Variants in COL28A1 observed in about 807,000 individuals in gnomAD.
The protein encoded by COL28A1 is collagen alpha-1(XXVIII) chain.
COL28A1 carries 161 observed loss-of-function variants against 150.2 expected under a neutral mutation model. That is an observed-to-expected ratio of 1.07 (90% confidence interval 0.94 to 1.22). The LOEUF (loss-of-function observed/expected upper bound fraction) is 1.22, where lower values mean the gene tolerates loss of function less well. Ranked by LOEUF, COL28A1 falls within the 50% of genes most tolerant of loss-of-function variation. COL28A1 has a pLI of 0.00. For missense variants in COL28A1, 1,617 were observed against 1,388.3 expected (o/e 1.16, Z -2.62); for synonymous variants, 552 against 469.7 (o/e 1.18, Z -2.26).
At chr7:7,339,588 G>A in the COL28A1 span, among the ~76,000 whole-genome samples, 1 of 152,044 alleles carries the variant, frequency 6.6e-6, no homozygotes, top group Admixed American at 6.6e-5. Context: ...ATGTGTCCTA[G>A]AGTTCTTCTC....
chr7:7,416,740 T>G (rs1280428929), intron 27 of COL28A1, among the ~76,000 whole-genome samples: 3 of 152,210 alleles, frequency 2.0e-5, no homozygotes, highest in African/African-American at 7.2e-5. Flanking sequence ...GCTCTAGACA[T>G]TGTGTGATAA....
intron 25 of COL28A1, among the ~76,000 whole-genome samples, chr7:7,421,161 T>C (rs929377028): frequency 1.1e-4 from 16 of 152,134 alleles, no homozygotes; most frequent in Non-Finnish European, 2.1e-4. Context: ...TATGAATAAA[T>C]GCCATAACAT....
At chr7:7,403,030 G>C (rs779857333) in intron 27 of COL28A1, among the ~76,000 whole-genome samples, 43 of 152,188 alleles carry the variant, frequency 2.8e-4, no homozygotes, top group Non-Finnish European at 4.6e-4. Context: ...GGTTAGATAA[G>C]AAATGATCAC....
At chr7:7,378,622 G>A (rs900026103) in intron 30 of COL28A1, among the ~76,000 whole-genome samples, 2 of 152,184 alleles carry the variant, frequency 1.3e-5, no homozygotes, top group Non-Finnish European at 2.9e-5. Flanking sequence ...GAGGGGGAGA[G>A]GAAAGAGGCC....
At chr7:7,453,593 T>A (rs1390418374) in intron 16 of COL28A1, 85 bp from the exon 17 acceptor site, 26 of 749,544 alleles carry the variant, frequency 3.5e-5, no homozygotes, top group Admixed American at 3.2e-4. Context: ...TCATACCCCA[T>A]AATAAGTTAC....
chr7:7,440,887 G>C (rs369120434), intron 20 of COL28A1, 26 bp from the exon 21 acceptor site: 3 of 1,205,942 alleles, frequency 2.5e-6, no homozygotes, highest in Middle Eastern at 1.9e-4. Flanking sequence ...TGAAAATATA[G>C]ATTTTCGTAT....
chr7:7,512,587 C>G (rs1180800139), intron 8 of COL28A1, among the ~76,000 whole-genome samples: 1 of 152,128 alleles, frequency 6.6e-6, no homozygotes, highest in East Asian at 1.9e-4. Flanking sequence ...TCCATTATAT[C>G]AGACTTTTGA....
chr7:7,488,454 A>G (rs1013412594), intron 13 of COL28A1, among the ~76,000 whole-genome samples: 3 of 152,204 alleles, frequency 2.0e-5, no homozygotes, highest in Non-Finnish European at 2.9e-5. Context: ...AGCTATCCAC[A>G]ATCAGTTGTT....
chr7:7,531,959 T>C, intron 2 of COL28A1, 55 bp from the exon 3 acceptor site: 2 of 1,104,048 alleles, frequency 1.8e-6, no homozygotes, highest in East Asian at 2.4e-5. Flanking sequence ...TGAAACAAAT[T>C]TGCATACGGA....
chr7:7,507,287 G>A, intron 9 of COL28A1, 126 bp from the exon 10 acceptor site: 1 of 565,674 alleles, frequency 1.8e-6, no homozygotes, highest in Non-Finnish European at 3.1e-6. Context: ...TAACATCAAA[G>A]GCAATAAACT....
At chr7:7,429,426 T>TCTCTCTCTCA (rs1554270137) in intron 25 of COL28A1, among the ~76,000 whole-genome samples, 36 of 119,386 alleles carry the variant, frequency 3.0e-4, no homozygotes, top group East Asian at 2.1e-3. Context: ...TCTCTCTCTC[T>TCTCTCTCTCA]CACATACACA....
rs563695712 is a variant in COL28A1 at position 7,492,825 on chromosome 7, T to C, written c.1027-2179A>G. On this transcript the variant is annotated intron_variant, in intron 11 of 34. Transcript: ENST00000399429. ...GTGCATGCTGTTGAGTACAAGTCAG[T>C]CTGGCAAATATTTTTTCCCTTAAAC... Among the ~76,000 whole-genome samples, 9 of 151,520 alleles carry C rather than the reference T, an allele frequency of 5.9e-5. No individual in the cohort carries two copies. The East Asian group carries it at 1.7e-3, about 29-fold the overall frequency.
chr7:7,474,031 G>T (rs1251733913), intron 15 of COL28A1, among the ~76,000 whole-genome samples: 2 of 141,198 alleles, frequency 1.4e-5, no homozygotes, highest in Non-Finnish European at 3.0e-5. Flanking sequence ...ATATATGATG[G>T]AATACTATAT....
At position 7,425,840 on chromosome 7, in the gene COL28A1, G is replaced by A. The variant is rs1784619542; in HGVS notation, c.1999-5887C>T. On this transcript the variant is annotated intron_variant, in intron 25 of 34. Coordinates refer to ENST00000399429, the MANE Select transcript of COL28A1 (RefSeq NM_001037763.3). ...TGCTGAGGTCACACAGCTAATAAGTGGCAAGGTTTCAAGGTGGAGCAGTGA... is the reference window on the plus strand; with the variant it reads ...TGCTGAGGTCACACAGCTAATAAGTAGCAAGGTTTCAAGGTGGAGCAGTGA... 2.0e-5 allele frequency among the ~76,000 whole-genome samples: 3 copies of A among 152,144 alleles called. 1 individual carries two copies. In the South Asian group the frequency reaches 6.2e-4, roughly 32 times the overall value.
intron 8 of COL28A1, chr7:7,511,618 T>C (rs1232864268): frequency 3.1e-6 from 1 of 321,434 alleles, no homozygotes; most frequent in African/African-American, 2.3e-5. Context: ...TTCCTATTTT[T>C]TCAAGAACAC....
intron 11 of COL28A1, 62 bp from the exon 12 acceptor site, chr7:7,490,708 AGCTTTTAGAT>A: frequency 1.3e-6 from 1 of 787,652 alleles, no homozygotes; most frequent in Non-Finnish European, 2.2e-6. Context: ...TTGACTAAGC[AGCTTTTAGAT>A]GTATGGTTTT....
At chr7:7,431,452 C>T (rs555305183) in intron 25 of COL28A1, 5 of 458,364 alleles carry the variant, frequency 1.1e-5, no homozygotes, top group East Asian at 1.4e-4. Context: ...GGTAGTAATG[C>T]TTTCTGTATG....
chr7:7,346,144 C>T, the COL28A1 span, among the ~76,000 whole-genome samples: 154 of 152,090 alleles, frequency 1.0e-3, 1 homozygote, highest in African/African-American at 3.6e-3. Context: ...CTCTAGTGTT[C>T]TACTATTTGC....
intron 33 of COL28A1, among the ~76,000 whole-genome samples, chr7:7,364,409 A>G (rs1207246215): frequency 1.3e-5 from 2 of 152,218 alleles, no homozygotes; most frequent in African/African-American, 4.8e-5. Context: ...GATACACCAG[A>G]GGACTCTACA....
Sources: gnomAD v4.1 joint callset for allele counts (sites outside exome capture counted in the v4.1 genomes callset) on GRCh38, gnomAD v4.1.1 for gene constraint, MANE v1.5 for transcripts, NCBI Gene and HGNC (gene_info 2026-07-23, HGNC 2026-07-21) for gene names.